The following NRG3 variants were observed in gnomAD, a reference collection of about 807,000 sequenced individuals.
NRG3 encodes the protein pro-neuregulin-3, membrane-bound isoform.
Under a neutral mutation model 66.9 loss-of-function variants are expected in NRG3, and 31 were observed. That is an observed-to-expected ratio of 0.46 (90% CI 0.35 to 0.63). The LOEUF (loss-of-function observed/expected upper bound fraction) is 0.63. NRG3 is among the 20% of genes least tolerant of loss of function. The pLI is 0.00. For synonymous variants in NRG3, 393 were observed against 359.4 expected, an observed-to-expected ratio of 1.09 and a Z score of -1.06; for missense variants, 910 against 878.9, an observed-to-expected ratio of 1.04 and a Z score of -0.45.
chr10:82,928,351 C>CAAA (rs1488641447), intron 4 of NRG3, among the ~76,000 whole-genome samples: 14 of 152,146 alleles, frequency 9.2e-5, no homozygotes, highest in African/African-American at 3.4e-4. Context: ...AGTTAGATCC[C>CAAA]ATTTGTCAAT....
chr10:82,311,454 A>G (rs1160012934), intron 1 of NRG3, among the ~76,000 whole-genome samples: 2 of 152,140 alleles, frequency 1.3e-5, no homozygotes, highest in African/African-American at 4.8e-5. Context: ...TGTGAAACAA[A>G]TGTTCTCATG....
At chr10:81,939,090 T>A (rs977663610) in intron 1 of NRG3, among the ~76,000 whole-genome samples, 2 of 152,080 alleles carry the variant, frequency 1.3e-5, no homozygotes, top group African/African-American at 4.8e-5. Flanking sequence ...TGAACCATCC[T>A]TGCATCCCAA....
intron 2 of NRG3, among the ~76,000 whole-genome samples, chr10:82,626,642 C>A (rs879209577): frequency 5.3e-5 from 8 of 152,132 alleles, no homozygotes; most frequent in Admixed American, 5.2e-4. Flanking sequence ...GATATTACAA[C>A]TAATTTTTTC....
chr10:82,919,911 T>C, intron 4 of NRG3, among the ~76,000 whole-genome samples: 1 of 151,000 alleles, frequency 6.6e-6, no homozygotes, highest in East Asian at 1.9e-4. Context: ...TGTCTTATGA[T>C]AGTGAGAATG....
At chr10:82,861,688 A>G (rs1458625999) in intron 3 of NRG3, among the ~76,000 whole-genome samples, 4 of 152,218 alleles carry the variant, frequency 2.6e-5, no homozygotes, top group African/African-American at 7.2e-5. Context: ...AACAGATGAC[A>G]GGCAGCCAAT....
In NRG3 at chr10:82,245,240, G is replaced by C. The variant is rs116710873; in HGVS notation, c.824-113499G>C. On this transcript the variant is annotated intron_variant, in intron 1 of 8. Transcript: ENST00000372141. ...AGGGAGAGCATAACCTAGATCCCTC[G>C]CATGTGTAGTTCACAATAGGGTTCT... Among the ~76,000 whole-genome samples the C allele has an allele frequency of 8.6e-3, 1,314 of 152,158 alleles. 13 individuals carry two copies. Among genetic ancestry groups the C allele is most frequent in the African/African-American group, 0.03 (1,235 of 41,524 alleles).
intron 1 of NRG3, among the ~76,000 whole-genome samples, chr10:82,005,040 A>T (rs2061331702): frequency 6.6e-6 from 1 of 152,224 alleles, no homozygotes; most frequent in African/African-American, 2.4e-5. Flanking sequence ...GGTGTGGAGG[A>T]CCAGAATTAT....
chr10:82,134,296 A>T (rs2069158405), intron 1 of NRG3, among the ~76,000 whole-genome samples: 1 of 152,084 alleles, frequency 6.6e-6, no homozygotes, highest in Non-Finnish European at 1.5e-5. Context: ...TTGCTTTCGT[A>T]GCGATTTCTT....
intron 1 of NRG3, among the ~76,000 whole-genome samples, chr10:81,998,601 T>G (rs1010949475): frequency 5.9e-5 from 9 of 152,174 alleles, no homozygotes; most frequent in African/African-American, 2.2e-4. Flanking sequence ...TATTGTCTAC[T>G]GCTAGGACTG....
Position 82,540,656 on chromosome 10 carries a change from A to C in NRG3, c.953+181788A>C, listed in dbSNP as rs1483595690. On this transcript the variant is annotated intron_variant, in intron 2 of 8. Transcript: ENST00000372141. ...GAAGTAGTCAGTTGCCAGCAAGATG[A>C]GATGGAAAAGTGATGGAGGGATTAA... Among the ~76,000 whole-genome samples, 5 of 152,260 alleles carry C rather than the reference A, an allele frequency of 3.3e-5. No homozygotes were observed. In the South Asian group the frequency reaches 8.3e-4, roughly 25 times the overall value.
At chr10:82,444,736 A>G (rs10884697) in intron 2 of NRG3, among the ~76,000 whole-genome samples, 20,449 of 152,186 alleles carry the variant, frequency 0.13, 1,656 homozygotes, top group East Asian at 0.33. Context: ...TTGAAACTAT[A>G]TTATGAGAAG....
At chr10:82,281,492 T>TGTGGTTG (rs1177852815) in intron 1 of NRG3, among the ~76,000 whole-genome samples, 1 of 152,012 alleles carries the variant, frequency 6.6e-6, no homozygotes, top group Non-Finnish European at 1.5e-5. Flanking sequence ...GTTAAGCTGC[T>TGTGGTTG]GTGGTTGGTG....
chr10:82,811,015 C>A (rs1193449706), intron 3 of NRG3, among the ~76,000 whole-genome samples: 1 of 151,420 alleles, frequency 6.6e-6, no homozygotes, highest in Non-Finnish European at 1.5e-5. Context: ...TTCCTTTAGT[C>A]ATTTGCAGGG....
At chr10:82,011,039 T>C (rs528271318) in intron 1 of NRG3, among the ~76,000 whole-genome samples, 182 of 152,288 alleles carry the variant, frequency 1.2e-3, no homozygotes, top group African/African-American at 4.3e-3. Flanking sequence ...GACAGAAGTG[T>C]TTCCAACTAG....
intron 1 of NRG3, among the ~76,000 whole-genome samples, chr10:82,338,327 T>G (rs528125843): frequency 4.6e-5 from 7 of 152,164 alleles, no homozygotes; most frequent in Non-Finnish European, 8.8e-5. Flanking sequence ...TTATTTATCT[T>G]TTAAAATGCT....
At chr10:82,298,083 G>A (rs2080176285) in intron 1 of NRG3, among the ~76,000 whole-genome samples, 1 of 152,108 alleles carries the variant, frequency 6.6e-6, no homozygotes, top group African/African-American at 2.4e-5. Context: ...GGTGGAGGCT[G>A]CAATGAGCTA....
At chr10:82,541,461 C>A (rs897220729) in intron 2 of NRG3, among the ~76,000 whole-genome samples, 3 of 152,000 alleles carry the variant, frequency 2.0e-5, no homozygotes, top group Non-Finnish European at 4.4e-5. Context: ...GCTCACAACT[C>A]TAAGGGGGTC....
intron 2 of NRG3, among the ~76,000 whole-genome samples, chr10:82,477,675 A>G (rs1199067216): frequency 6.6e-6 from 1 of 152,218 alleles, no homozygotes; most frequent in Admixed American, 6.5e-5. Flanking sequence ...GAGAACAGAA[A>G]TTACTCTGGG....
intron 2 of NRG3, among the ~76,000 whole-genome samples, chr10:82,612,921 T>C (rs1441228567): frequency 2.0e-5 from 3 of 152,328 alleles, no homozygotes; most frequent in African/African-American, 7.2e-5. Flanking sequence ...CTGTGAAGTA[T>C]GAAGCATTAC....
Sources: gnomAD v4.1 joint callset for allele counts (sites outside exome capture counted in the v4.1 genomes callset) on GRCh38, gnomAD v4.1.1 for gene constraint, MANE v1.5 for transcripts, NCBI Gene and HGNC (gene_info 2026-07-23, HGNC 2026-07-21) for gene names.